KCNIP4: variants seen among roughly 807,000 people sequenced by gnomAD.
KCNIP4 encodes potassium voltage-gated channel interacting protein 4.
Under a neutral mutation model 34.0 loss-of-function variants are expected in KCNIP4, and 12 were observed. That is an observed-to-expected ratio of 0.35 (90% CI 0.23 to 0.57). The LOEUF is 0.57. Ranked by LOEUF, KCNIP4 falls within the 20% of genes least tolerant of loss-of-function variation. The pLI is 0.83. For synonymous variants in KCNIP4, 124 were observed against 102.2 expected (o/e 1.21, Z -1.29); for missense variants, 238 against 311.7 (o/e 0.76, Z 1.78).
chr4:21,896,701 T>C (rs1467294490), intron 1 of KCNIP4, among the ~76,000 whole-genome samples: 2 of 151,960 alleles, frequency 1.3e-5, no homozygotes, highest in East Asian at 1.9e-4. Context: ...GGCAGATCAT[T>C]TGAGGTTAGG....
chr4:20,846,529 T>G (rs1338252658), intron 3 of KCNIP4, among the ~76,000 whole-genome samples: 1 of 152,166 alleles, frequency 6.6e-6, no homozygotes, highest in Non-Finnish European at 1.5e-5. Flanking sequence ...CTGTCTGTTA[T>G]AATGTAAAAT....
chr4:20,879,635 G>A (rs1724460645), intron 2 of KCNIP4, among the ~76,000 whole-genome samples: 1 of 152,040 alleles, frequency 6.6e-6, no homozygotes. Context: ...TTTCGTTTGA[G>A]GCACAAACAC....
At chr4:21,013,793 G>T (rs1234587365) in intron 1 of KCNIP4, among the ~76,000 whole-genome samples, 2 of 152,144 alleles carry the variant, frequency 1.3e-5, no homozygotes, top group African/African-American at 4.8e-5. Context: ...ACAGAGACCA[G>T]AGTTCCAGTA....
At chr4:21,414,778 C>G (rs919937679) in intron 1 of KCNIP4, among the ~76,000 whole-genome samples, 1 of 151,996 alleles carries the variant, frequency 6.6e-6, no homozygotes, top group Non-Finnish European at 1.5e-5. Flanking sequence ...TTTGTGACAA[C>G]CTGAATGAAT....
intron 1 of KCNIP4, among the ~76,000 whole-genome samples, chr4:20,956,104 T>TTTC (rs1733276715): frequency 6.6e-6 from 1 of 152,240 alleles, no homozygotes; most frequent in Non-Finnish European, 1.5e-5. Flanking sequence ...GGGATCTATC[T>TTTC]TTCACTCTTA....
At chr4:21,019,359 C>T (rs752962465) in intron 1 of KCNIP4, among the ~76,000 whole-genome samples, 1 of 151,886 alleles carries the variant, frequency 6.6e-6, no homozygotes, top group Non-Finnish European at 1.5e-5. Context: ...GGTTTCACCA[C>T]GTTGGCTAGA....
rs1747276619 is a variant in KCNIP4 at position 20,729,488 on chromosome 4, AAT to A, written c.*592_*593del. 1 of 118,826 alleles carries A rather than the reference AAT, an allele frequency of 8.4e-6. No homozygotes were observed. Among genetic ancestry groups the A allele is most frequent in the African/African-American group, 3.7e-5 (1 of 27,258 alleles). The allele number at this position is 118,826 out of a possible 1,614,324, so 7.4% of individuals were successfully genotyped here. A position where few individuals can be genotyped will look rare whatever the true frequency, so the allele number is the denominator to read the frequency against. On this transcript the variant is annotated 3_prime_UTR_variant, in exon 9 of 9. Coordinates refer to ENST00000382152, the MANE Select transcript of KCNIP4 (RefSeq NM_025221.6). ...ATAATAAACTAATTTTTAAATGTTT[AAT>A]AATTTTTAAATGTTTAAAAATGCCA...
chr4:21,185,963 A>C (rs1160295585), intron 1 of KCNIP4, among the ~76,000 whole-genome samples: 1 of 152,214 alleles, frequency 6.6e-6, no homozygotes, highest in Non-Finnish European at 1.5e-5. Context: ...TGCTGAGTAC[A>C]TCTTGCAAAC....
At chr4:21,183,175 A>G (rs1754970020) in intron 1 of KCNIP4, among the ~76,000 whole-genome samples, 1 of 152,130 alleles carries the variant, frequency 6.6e-6, no homozygotes, top group Non-Finnish European at 1.5e-5. Context: ...GTTGTTGTAA[A>G]TGACAGAATT....
At chr4:21,124,191 A>G (rs1438303658) in intron 1 of KCNIP4, among the ~76,000 whole-genome samples, 1 of 152,212 alleles carries the variant, frequency 6.6e-6, no homozygotes, top group East Asian at 1.9e-4. Flanking sequence ...AACTTGTGGT[A>G]TCAACGTCAT....
chr4:21,459,718 T>G (rs1176270355), intron 1 of KCNIP4, among the ~76,000 whole-genome samples: 2 of 152,036 alleles, frequency 1.3e-5, no homozygotes, highest in Non-Finnish European at 2.9e-5. Flanking sequence ...TGAAGTCTTA[T>G]AATTAGTGAG....
chr4:21,438,773 G>A (rs911942896), intron 1 of KCNIP4, among the ~76,000 whole-genome samples: 1 of 151,996 alleles, frequency 6.6e-6, no homozygotes, highest in Non-Finnish European at 1.5e-5. Flanking sequence ...GTTCATTTGA[G>A]GTTATAACTT....
At chr4:21,244,330 A>G (rs1433599469) in intron 1 of KCNIP4, among the ~76,000 whole-genome samples, 2 of 152,202 alleles carry the variant, frequency 1.3e-5, no homozygotes, top group Non-Finnish European at 2.9e-5. Flanking sequence ...CATGAAAACC[A>G]GGCTATAGAT....
intron 3 of KCNIP4, among the ~76,000 whole-genome samples, chr4:20,828,154 C>T (rs1465557808): frequency 3.3e-5 from 5 of 152,280 alleles, no homozygotes; most frequent in African/African-American, 9.6e-5. Flanking sequence ...AGGGATCAGG[C>T]GCGGTGGCTC....
intron 1 of KCNIP4, among the ~76,000 whole-genome samples, chr4:21,485,707 C>T (rs1438640774): frequency 6.6e-6 from 1 of 152,182 alleles, no homozygotes; most frequent in Non-Finnish European, 1.5e-5. Flanking sequence ...TTCTAGGGTT[C>T]AAGGTGCACA....
Position 21,353,833 on chromosome 4 carries a change from A to C in KCNIP4, c.62-471124T>G, listed in dbSNP as rs11933970. On this transcript the variant is annotated intron_variant, in intron 1 of 8. Transcript: ENST00000382152. The stretch of plus-strand genomic sequence containing the variant: ...ATACGCCTTGAGAAGAGCAACCCCA[A>C]GACACACAATTATCAGATTCACCAA... 2.5e-3 allele frequency among the ~76,000 whole-genome samples: 386 copies of C among 152,312 alleles called. 1 individual carries two copies. The highest frequency in any genetic ancestry group is 8.9e-3 in the African/African-American group (372 of 41,568).
chr4:20,988,937 T>A (rs941243910), intron 1 of KCNIP4, among the ~76,000 whole-genome samples: 13 of 152,246 alleles, frequency 8.5e-5, no homozygotes, highest in Non-Finnish European at 1.6e-4. Context: ...ACCAGTGGGA[T>A]TTGTGTAAGA....
chr4:21,219,492 T>C (rs1757836448), intron 1 of KCNIP4, among the ~76,000 whole-genome samples: 1 of 152,228 alleles, frequency 6.6e-6, no homozygotes, highest in South Asian at 2.1e-4. Context: ...CCAGGTTTCA[T>C]GTCCTATAAA....
intron 1 of KCNIP4, among the ~76,000 whole-genome samples, chr4:21,198,699 T>G (rs906157417): frequency 6.6e-6 from 1 of 152,216 alleles, no homozygotes. Flanking sequence ...TTCCCTGTTT[T>G]GTTCTGCTGG....
Sources: allele counts gnomAD v4.1 joint callset (sites outside exome capture counted in the v4.1 genomes callset), GRCh38; gene constraint gnomAD v4.1.1; transcripts MANE v1.5; gene names NCBI Gene and HGNC (gene_info 2026-07-23, HGNC 2026-07-21).